GLYATL2: variants seen among roughly 807,000 people sequenced by gnomAD.
GLYATL2 encodes the protein glycine N-acyltransferase-like protein 2.
Under a neutral mutation model 21.4 loss-of-function variants are expected in GLYATL2, and 25 were observed. The ratio of observed to expected loss-of-function variants is 1.17; its 90% CI spans 0.85 to 1.63. The LOEUF (loss-of-function observed/expected upper bound fraction) is 1.63, where lower values mean the gene tolerates loss of function less well. Ranked by LOEUF, GLYATL2 falls within the 40% of genes most tolerant of loss-of-function variation. The pLI is 0.00. For synonymous variants in GLYATL2, 114 were observed against 118.2 expected, an observed-to-expected ratio of 0.96 and a Z score of 0.23; for missense variants, 361 against 343.3, an observed-to-expected ratio of 1.05 and a Z score of -0.41.
chr11:58,901,766 G>C (rs948819), intron 1 of GLYATL2, among the ~76,000 whole-genome samples: 113,005 of 152,016 alleles, frequency 0.74, 44,357 homozygotes, highest in Non-Finnish European at 0.88. Context: ...ACCTCAATGG[G>C]TGACTGTGAA....
intron 1 of GLYATL2, among the ~76,000 whole-genome samples, chr11:58,869,025 C>A (rs184451305): frequency 6.6e-6 from 1 of 151,168 alleles, no homozygotes; most frequent in Non-Finnish European, 1.5e-5. Context: ...TTTGTGGGTA[C>A]CAGATGGTGG....
chr11:58,839,560 T>C lies in GLYATL2; in HGVS notation c.53A>G (p.Glu18Gly). The change falls in exon 2 of 6, where the codon GAA (glutamate) becomes GGA (glycine). Residue 18 changes from glutamate (E) to glycine (G), a missense_variant. Transcript: ENST00000287275. ...CTTTATGGATTCAGGGATGCTCTTT[T>C]CTAAGGATTTATACAGAATCTGCAG... is the stretch of plus-strand genomic sequence containing the variant. ...QKLQILYKSLEKSIPESIKVY... is the reference protein window; with the variant it reads ...QKLQILYKSLGKSIPESIKVY... 1 of 1,611,588 alleles carries C rather than the reference T, an allele frequency of 6.2e-7. No individual in the cohort carries two copies. The highest frequency in any genetic ancestry group is 8.5e-7 in the Non-Finnish European group (1 of 1,178,262).
chr11:58,835,751 C>T (rs1853418610), intron 5 of GLYATL2, among the ~76,000 whole-genome samples: 1 of 152,164 alleles, frequency 6.6e-6, no homozygotes, highest in African/African-American at 2.4e-5. Flanking sequence ...GATAGCCAAA[C>T]CTAGAGTGGC....
intron 1 of GLYATL2, among the ~76,000 whole-genome samples, chr11:58,901,170 A>G (rs949294796): frequency 2.6e-5 from 4 of 152,192 alleles, no homozygotes; most frequent in Non-Finnish European, 5.9e-5. Flanking sequence ...ACGCCCTGGG[A>G]GGGTCACAGA....
At chr11:58,858,207 C>T (rs892463419) in intron 1 of GLYATL2, among the ~76,000 whole-genome samples, 2 of 152,132 alleles carry the variant, frequency 1.3e-5, no homozygotes, top group Non-Finnish European at 2.9e-5. Context: ...CTCCACAAAG[C>T]TTTAAGTTCC....
intron 1 of GLYATL2, among the ~76,000 whole-genome samples, chr11:58,899,737 C>G (rs1854702431): frequency 6.6e-6 from 1 of 152,132 alleles, no homozygotes; most frequent in African/African-American, 2.4e-5. Flanking sequence ...ATACTTGAAC[C>G]AGCATTTAGA....
At chr11:58,909,364 A>T in the GLYATL2 span, among the ~76,000 whole-genome samples, 1 of 152,178 alleles carries the variant, frequency 6.6e-6, no homozygotes, top group African/African-American at 2.4e-5. Context: ...ATTATTGCTA[A>T]AATGATAGAT....
intron 1 of GLYATL2, among the ~76,000 whole-genome samples, chr11:58,884,111 C>G (rs547170042): frequency 6.6e-6 from 1 of 152,282 alleles, no homozygotes; most frequent in East Asian, 1.9e-4. Flanking sequence ...CACTATCATA[C>G]TGAATAGGCA....
chr11:58,889,121 A>C (rs1305912826), intron 1 of GLYATL2, among the ~76,000 whole-genome samples: 1 of 151,918 alleles, frequency 6.6e-6, no homozygotes, highest in East Asian at 1.9e-4. Context: ...TTTACCCTTA[A>C]GTATTTTATA....
At chr11:58,845,060 G>C (rs924524821), upstream of GLYATL2, among the ~76,000 whole-genome samples, 20 of 152,090 alleles carry the variant, frequency 1.3e-4, no homozygotes, top group African/African-American at 4.6e-4. Flanking sequence ...AAAAGTTTCA[G>C]GGGGACTGGA....
At chr11:58,856,036 G>A (rs934944683) in intron 1 of GLYATL2, among the ~76,000 whole-genome samples, 2 of 152,070 alleles carry the variant, frequency 1.3e-5, no homozygotes, top group African/African-American at 4.8e-5. Flanking sequence ...GAGGCTGAGG[G>A]AGGAGAATCG....
chr11:58,890,339 G>A (rs998002761), intron 1 of GLYATL2, among the ~76,000 whole-genome samples: 2 of 152,036 alleles, frequency 1.3e-5, no homozygotes, highest in African/African-American at 4.8e-5. Context: ...AAAAGAAAAT[G>A]ACTCAATCTA....
chr11:58,879,593 A>G (rs1854295718), intron 1 of GLYATL2, among the ~76,000 whole-genome samples: 1 of 152,222 alleles, frequency 6.6e-6, no homozygotes, highest in African/African-American at 2.4e-5. Context: ...TATAAATATT[A>G]TAGGATTCCA....
At chr11:58,901,873 C>T (rs922590280) in intron 1 of GLYATL2, among the ~76,000 whole-genome samples, 4 of 152,168 alleles carry the variant, frequency 2.6e-5, no homozygotes, top group Non-Finnish European at 4.4e-5. Flanking sequence ...CATTCATCTC[C>T]GAGTACCACT....
At chr11:58,909,763 A>G in the GLYATL2 span, among the ~76,000 whole-genome samples, 243 of 152,334 alleles carry the variant, frequency 1.6e-3, 1 homozygote, top group Middle Eastern at 6.8e-3. Flanking sequence ...CTTTCTATCA[A>G]TAAGAGCTCT....
At chr11:58,860,085 G>A (rs1366302232) in intron 1 of GLYATL2, among the ~76,000 whole-genome samples, 1 of 152,066 alleles carries the variant, frequency 6.6e-6, no homozygotes, top group Non-Finnish European at 1.5e-5. Flanking sequence ...GCTTATGATT[G>A]ATTTTGTTCT....
At chr11:58,842,162 C>A (rs1165701175) in intron 1 of GLYATL2, among the ~76,000 whole-genome samples, 1 of 152,116 alleles carries the variant, frequency 6.6e-6, no homozygotes, top group Non-Finnish European at 1.5e-5. Context: ...ATTTCAGCTT[C>A]TTTATGTTGA....
intron 1 of GLYATL2, among the ~76,000 whole-genome samples, chr11:58,864,289 T>C (rs953510493): frequency 6.6e-6 from 1 of 151,812 alleles, no homozygotes; most frequent in Non-Finnish European, 1.5e-5. Flanking sequence ...GGGAGCAGTC[T>C]GGAGCATGAA....
At chr11:58,888,379 A>C (rs1854479788) in intron 1 of GLYATL2, among the ~76,000 whole-genome samples, 3 of 151,972 alleles carry the variant, frequency 2.0e-5, no homozygotes, top group Admixed American at 2.0e-4. Context: ...AATAATTAGG[A>C]AGATTTTTCC....
Sources: gnomAD v4.1 joint callset for allele counts (sites outside exome capture counted in the v4.1 genomes callset) on GRCh38, gnomAD v4.1.1 for gene constraint, MANE v1.5 for transcripts, NCBI Gene and HGNC (gene_info 2026-07-23, HGNC 2026-07-21) for gene names.